The following FHIP1A variants were observed in gnomAD, a reference collection of about 807,000 sequenced individuals.
FHIP1A encodes the protein FHF complex subunit HOOK-interacting protein 1A.
FHIP1A carries 61 observed loss-of-function variants against 88.6 expected under a neutral mutation model. That is an observed-to-expected ratio of 0.69 (90% confidence interval 0.56 to 0.85). The LOEUF is 0.85. Among genes scored for constraint, FHIP1A ranks in the 40% least tolerant of loss-of-function variants. The pLI is 0.00. For synonymous variants in FHIP1A, 478 were observed against 496.0 expected (o/e 0.96, Z 0.48); for missense variants, 1,154 against 1,273.5 (o/e 0.91, Z 1.43).
chr4:151,587,819 A>G (rs918022093), intron 6 of FHIP1A, among the ~76,000 whole-genome samples: 2 of 152,078 alleles, frequency 1.3e-5, no homozygotes, highest in Admixed American at 1.3e-4. Context: ...TATAAGAAAA[A>G]TGGATTACAT....
chr4:151,659,875 G>C (rs577242409), intron 13 of FHIP1A, among the ~76,000 whole-genome samples: 2 of 152,354 alleles, frequency 1.3e-5, no homozygotes, highest in East Asian at 3.9e-4. Flanking sequence ...CCTGTTCCCA[G>C]TTCCACATTA....
intron 3 of FHIP1A, among the ~76,000 whole-genome samples, chr4:151,495,625 C>CTTT (rs11450043): frequency 1.5e-5 from 2 of 135,110 alleles, no homozygotes; most frequent in African/African-American, 5.5e-5. Context: ...GCTATATATT[C>CTTT]TTTTTTTTTT....
chr4:151,456,624 G>A (rs533424657), intron 2 of FHIP1A, among the ~76,000 whole-genome samples: 1 of 152,048 alleles, frequency 6.6e-6, no homozygotes, highest in Non-Finnish European at 1.5e-5. Flanking sequence ...CATAATGAAA[G>A]TATAACTTTT....
At chr4:151,555,288 A>C (rs1732903360) in intron 3 of FHIP1A, among the ~76,000 whole-genome samples, 1 of 152,218 alleles carries the variant, frequency 6.6e-6, no homozygotes, top group Non-Finnish European at 1.5e-5. Flanking sequence ...TTCAAAAAAC[A>C]TACTTTTCTT....
At chr4:151,441,581 T>G (rs973600593) in intron 1 of FHIP1A, among the ~76,000 whole-genome samples, 1 of 152,178 alleles carries the variant, frequency 6.6e-6, no homozygotes, top group Non-Finnish European at 1.5e-5. Context: ...TATCTCTTTA[T>G]GTTGGCTGTT....
chr4:151,572,837 A>G (rs1437750881), intron 4 of FHIP1A, among the ~76,000 whole-genome samples: 6 of 152,202 alleles, frequency 3.9e-5, no homozygotes, highest in Admixed American at 6.5e-5. Context: ...TATTAAGTGG[A>G]ATCAAAGCTA....
intron 3 of FHIP1A, among the ~76,000 whole-genome samples, chr4:151,493,416 A>C (rs1042638357): frequency 1.3e-5 from 2 of 152,198 alleles, no homozygotes; most frequent in Non-Finnish European, 2.9e-5. Context: ...AATTGCTACC[A>C]ATCCTACTGA....
At chr4:151,617,976 C>T (rs528764118) in intron 7 of FHIP1A, among the ~76,000 whole-genome samples, 2 of 152,352 alleles carry the variant, frequency 1.3e-5, no homozygotes, top group South Asian at 4.1e-4. Flanking sequence ...GCTGACTTCT[C>T]TTATCTCCAA....
In FHIP1A at chr4:151,670,082, A is replaced by G. The variant is rs1445209943; in HGVS notation, c.*7328A>G. 1 of 152,208 alleles carries G rather than the reference A, an allele frequency of 6.6e-6. No homozygotes were observed. The highest frequency in any genetic ancestry group is 6.5e-5 in the Admixed American group (1 of 15,280). The allele number at this position is 152,208 out of a possible 1,614,324, so 9.4% of individuals were successfully genotyped here. A position where few individuals can be genotyped will look rare whatever the true frequency, so the allele number is the denominator to read the frequency against. ...GCCTCCAAGGATTTTATTCTCTTAC[A>G]TCACAGTTTTGACAAGTATGCTTTT... On this transcript the variant is annotated 3_prime_UTR_variant, in exon 14 of 14. Transcript: ENST00000435205.
At chr4:151,576,058 A>G (rs903061350) in intron 4 of FHIP1A, among the ~76,000 whole-genome samples, 1 of 152,220 alleles carries the variant, frequency 6.6e-6, no homozygotes, top group Non-Finnish European at 1.5e-5. Context: ...AGTAAATGGA[A>G]TGAATATTAT....
In FHIP1A at chr4:151,649,667, G is replaced by T. The variant is rs1479936798; in HGVS notation, c.1626G>T (p.Glu542Asp). Residue 542 changes from glutamate to aspartate, a missense_variant, in exon 11 of 14, where the codon GAG becomes GAT. Transcript: ENST00000435205. ...PEMFLQSLTEEGSVSSACPVF... is the reference protein window; with the variant it reads ...PEMFLQSLTEDGSVSSACPVF... The stretch of plus-strand genomic sequence containing the variant: ...TGTTTCTCCAGAGTCTGACGGAGGA[G>T]GGCAGTGTGAGCTCGGCCTGCCCTG... 4.5e-6 allele frequency: 7 copies of T among 1,551,504 alleles called. No individual in the cohort carries two copies. Among genetic ancestry groups the T allele is most frequent in the Non-Finnish European group, 6.1e-6 (7 of 1,146,970 alleles).
At chr4:151,514,299 A>G (rs1731147168) in intron 3 of FHIP1A, among the ~76,000 whole-genome samples, 1 of 152,106 alleles carries the variant, frequency 6.6e-6, no homozygotes, top group African/African-American at 2.4e-5. Flanking sequence ...GACACATTCA[A>G]AGCAGTGTGT....
At chr4:151,546,365 C>T (rs976597209) in intron 3 of FHIP1A, among the ~76,000 whole-genome samples, 1 of 152,164 alleles carries the variant, frequency 6.6e-6, no homozygotes, top group Admixed American at 6.5e-5. Context: ...GCCACACTAC[C>T]GGCATCCAAG....
chr4:151,605,076 T>C (rs1023766365), intron 7 of FHIP1A, among the ~76,000 whole-genome samples: 2 of 152,062 alleles, frequency 1.3e-5, no homozygotes, highest in African/African-American at 2.4e-5. Flanking sequence ...CCGTAGAGAG[T>C]TGGCAGTTGC....
At chr4:151,624,786 A>G (rs986418112) in intron 7 of FHIP1A, among the ~76,000 whole-genome samples, 8 of 152,054 alleles carry the variant, frequency 5.3e-5, no homozygotes, top group Non-Finnish European at 1.0e-4. Flanking sequence ...CGTGTGGCCT[A>G]GAGGTCGGGG....
At chr4:151,546,350 A>C (rs968672175) in intron 3 of FHIP1A, among the ~76,000 whole-genome samples, 1 of 152,212 alleles carries the variant, frequency 6.6e-6, no homozygotes, top group East Asian at 1.9e-4. Context: ...TCGGACTTGG[A>C]CTGAGCCACA....
In FHIP1A at chr4:151,546,042, G is replaced by A. The variant is rs914498572; in HGVS notation, c.-122-20096G>A. ...GTTCCCAGAGGAGATCAGTATGTGG[G>A]TGGGTGGGCAGACTAGTGGGGTACA... On this transcript the variant is annotated intron_variant, in intron 3 of 13. Coordinates refer to ENST00000435205, the MANE Select transcript of FHIP1A (RefSeq NM_001109977.3). Among the ~76,000 whole-genome samples, 5 of 152,294 alleles carry A rather than the reference G, an allele frequency of 3.3e-5. No individual in the cohort carries two copies. In the East Asian group the frequency reaches 9.7e-4, roughly 29 times the overall value.
Position 151,437,120 on chromosome 4 carries a change from G to C in FHIP1A, c.-355-17581G>C, listed in dbSNP as rs569551288. Among the ~76,000 whole-genome samples the C allele has an allele frequency of 3.3e-5, 5 of 152,128 alleles. No homozygotes were observed. The East Asian group carries it at 9.6e-4, about 29-fold the overall frequency. ...TGGATATGGATATGGAGGGTTGAGT[G>C]TAGTACTCTTTATATTCTTTACAGT... is the stretch of plus-strand genomic sequence containing the variant. On this transcript the variant is annotated intron_variant, in intron 1 of 13. Transcript: ENST00000435205.
intron 13 of FHIP1A, 94 bp from the exon 14 acceptor site, chr4:151,662,407 T>TC: frequency 7.4e-7 from 1 of 1,349,946 alleles, no homozygotes; most frequent in Non-Finnish European, 9.9e-7. Flanking sequence ...CTAGATACTC[T>TC]CCAGCAACTC....
Sources: allele counts gnomAD v4.1 joint callset (sites outside exome capture counted in the v4.1 genomes callset), GRCh38; gene constraint gnomAD v4.1.1; transcripts MANE v1.5; gene names NCBI Gene and HGNC (gene_info 2026-07-23, HGNC 2026-07-21).